Variants in CLINT1 observed in about 807,000 individuals in gnomAD.
The protein encoded by CLINT1 is clathrin interacting protein localized in the trans-Golgi region.
CLINT1 carries 15 observed loss-of-function variants against 70.4 expected under a neutral mutation model. The observed-to-expected ratio is 0.21, with a 90% CI of 0.14 to 0.33. The LOEUF (loss-of-function observed/expected upper bound fraction) is 0.33. CLINT1 is among the 10% of genes least tolerant of loss of function. The pLI, the probability that CLINT1 is intolerant of heterozygous loss-of-function variation, is 1.00. For synonymous variants in CLINT1, 227 were observed against 254.7 expected, an observed-to-expected ratio of 0.89 and a Z score of 1.04; for missense variants, 615 against 778.1, an observed-to-expected ratio of 0.79 and a Z score of 2.49.
At chr5:157,822,679 GATA>G (rs1762914079) in intron 1 of CLINT1, among the ~76,000 whole-genome samples, 1 of 152,120 alleles carries the variant, frequency 6.6e-6, no homozygotes, top group Non-Finnish European at 1.5e-5. Flanking sequence ...TTGACATTCA[GATA>G]ATATCAAATT....
intron 8 of CLINT1, chr5:157,795,807 T>A (rs1310695387): frequency 6.6e-6 from 1 of 152,248 alleles, no homozygotes; most frequent in Admixed American, 6.6e-5. Flanking sequence ...GGTAGCAGGA[T>A]CGCTTGAGCC....
At chr5:157,857,569 T>C (rs994354764) in intron 1 of CLINT1, among the ~76,000 whole-genome samples, 2 of 152,244 alleles carry the variant, frequency 1.3e-5, no homozygotes, top group African/African-American at 4.8e-5. Flanking sequence ...TATAAACATA[T>C]TCTGTTAAGG....
chr5:157,829,043 A>C (rs1432441640), intron 1 of CLINT1, among the ~76,000 whole-genome samples: 1 of 152,000 alleles, frequency 6.6e-6, no homozygotes, highest in Non-Finnish European at 1.5e-5. Context: ...CGGAGGTTGC[A>C]GTGAGTGGAG....
intron 11 of CLINT1, among the ~76,000 whole-genome samples, chr5:157,788,494 TAAC>T (rs1174854273): frequency 1.3e-5 from 2 of 152,254 alleles, no homozygotes; most frequent in African/African-American, 4.8e-5. Context: ...TGATTTATAA[TAAC>T]AAATAGCTGG....
chr5:157,841,591 T>C (rs989312842), intron 1 of CLINT1, among the ~76,000 whole-genome samples: 2 of 151,874 alleles, frequency 1.3e-5, no homozygotes, highest in African/African-American at 4.8e-5. Flanking sequence ...AGAAAAGGAT[T>C]GGTTGGTATT....
At chr5:157,838,495 T>C (rs1411869358) in intron 1 of CLINT1, among the ~76,000 whole-genome samples, 1 of 152,262 alleles carries the variant, frequency 6.6e-6, no homozygotes, top group Non-Finnish European at 1.5e-5. Context: ...AGTACATGCT[T>C]AATACGTACA....
At position 157,802,986 on chromosome 5, in the gene CLINT1, GGAC is replaced by G. The variant is rs374165100; in HGVS notation, c.1012+661_1012+663del. Among the ~76,000 whole-genome samples the G allele has an allele frequency of 1.6e-3, 244 of 152,246 alleles. 2 individuals are homozygous for G. The highest frequency in any genetic ancestry group is 5.5e-3 in the African/African-American group (228 of 41,544). On this transcript the variant is annotated intron_variant, in intron 8 of 11. Transcript: ENST00000411809. ...TTTTCTCCACTTGACCTTCGCATGA[GGAC>G]AACAACTCTGTTTTTTACAAGCACC...
intron 10 of CLINT1, chr5:157,789,803 C>A (rs1761846565): frequency 4.0e-6 from 2 of 503,168 alleles, no homozygotes; most frequent in Non-Finnish European, 7.1e-6. Flanking sequence ...TCCCATCACT[C>A]AAAGTCTAGA....
intron 10 of CLINT1, chr5:157,791,482 T>G: frequency 1.9e-6 from 1 of 523,728 alleles, no homozygotes; most frequent in Non-Finnish European, 3.4e-6. Flanking sequence ...GACTACAAGA[T>G]GGGGGAGAAG....
chr5:157,844,773 C>T (rs1371649753), intron 1 of CLINT1, among the ~76,000 whole-genome samples: 1 of 152,170 alleles, frequency 6.6e-6, no homozygotes, highest in African/African-American at 2.4e-5. Flanking sequence ...GATTATAGAA[C>T]TTTTAAAAGT....
At chr5:157,813,601 C>T (rs553279121) in intron 4 of CLINT1, among the ~76,000 whole-genome samples, 48 of 152,268 alleles carry the variant, frequency 3.2e-4, no homozygotes, top group Admixed American at 7.8e-4. Flanking sequence ...AAAGAAGAAC[C>T]ACTTTAGCAT....
At chr5:157,796,384 CT>C (rs1350293025) in intron 8 of CLINT1, among the ~76,000 whole-genome samples, 1 of 151,766 alleles carries the variant, frequency 6.6e-6, no homozygotes, top group Non-Finnish European at 1.5e-5. Flanking sequence ...TCCTTTTTTT[CT>C]CAACTTTAGT....
Position 157,787,951 on chromosome 5 carries a change from C to T in CLINT1, c.1573G>A (p.Ala525Thr). 1 of 1,612,068 alleles carries T rather than the reference C, an allele frequency of 6.2e-7. No individual in the cohort carries two copies. Among genetic ancestry groups the T allele is most frequent in the Non-Finnish European group, 8.5e-7 (1 of 1,178,972 alleles). ...TTCGATGGAGAACTGAGGTTCACAG[C>T]TCCAAAACTTTGAGTCATCACATTC... ...PMNVMTQSFG[A>T]VNLSSPSNML... Residue 525 changes from alanine to threonine, a missense_variant, in exon 12 of 12, where the codon GCT (alanine) becomes ACT (threonine). This residue lies in a region of CLINT1 where 374 missense variants were observed against 409.6 expected (regional missense o/e 0.91). Coordinates refer to ENST00000411809, the MANE Select transcript of CLINT1 (RefSeq NM_014666.4).
At chr5:157,844,812 C>G (rs1004763063) in intron 1 of CLINT1, among the ~76,000 whole-genome samples, 3 of 152,180 alleles carry the variant, frequency 2.0e-5, no homozygotes, top group African/African-American at 4.8e-5. Flanking sequence ...GATTCTGAAG[C>G]ACATAATACA....
intron 1 of CLINT1, among the ~76,000 whole-genome samples, chr5:157,853,798 A>G (rs1002013813): frequency 7.3e-5 from 11 of 151,382 alleles, no homozygotes; most frequent in Admixed American, 3.3e-4. Context: ...AAAAAAAAAA[A>G]AAAAGAAAAA....
chr5:157,802,239 A>G (rs1323257741), intron 8 of CLINT1, among the ~76,000 whole-genome samples: 1 of 152,096 alleles, frequency 6.6e-6, no homozygotes, highest in Non-Finnish European at 1.5e-5. Flanking sequence ...GGGAATAATA[A>G]ATTTACTTTG....
intron 1 of CLINT1, among the ~76,000 whole-genome samples, chr5:157,850,083 G>A (rs1581547667): frequency 6.6e-6 from 1 of 152,178 alleles, no homozygotes; most frequent in African/African-American, 2.4e-5. Context: ...GAGGGACAGT[G>A]GTGGGAGAAG....
chr5:157,837,478 G>A (rs1451614631), intron 1 of CLINT1, among the ~76,000 whole-genome samples: 2 of 151,968 alleles, frequency 1.3e-5, no homozygotes, highest in African/African-American at 4.8e-5. Flanking sequence ...TTATCATCAT[G>A]TATTCTAAAA....
intron 1 of CLINT1, among the ~76,000 whole-genome samples, chr5:157,834,290 G>T (rs111319383): frequency 6.6e-6 from 1 of 152,066 alleles, no homozygotes; most frequent in African/African-American, 2.4e-5. Flanking sequence ...TGCTTGAACC[G>T]GGAGGCAGAG....
Sources: gnomAD v4.1 joint callset for allele counts (sites outside exome capture counted in the v4.1 genomes callset) on GRCh38, gnomAD v4.1.1 for gene constraint, gnomAD v4.1.1 regional missense constraint, MANE v1.5 for transcripts, NCBI Gene and HGNC (gene_info 2026-07-23, HGNC 2026-07-21) for gene names.